The following HPX variants were observed in gnomAD, a reference collection of about 807,000 sequenced individuals.
HPX encodes beta-1B-glycoprotein.
HPX carries 42 observed loss-of-function variants against 53.8 expected under a neutral mutation model. The ratio of observed to expected loss-of-function variants is 0.78; its 90% confidence interval spans 0.61 to 1.01. The LOEUF is 1.01. Among genes scored for constraint, HPX ranks in the 50% least tolerant of loss-of-function variants. The pLI, the probability that HPX is intolerant of heterozygous loss-of-function variation, is 0.00. For synonymous variants in HPX, 229 were observed against 221.1 expected (o/e 1.04, Z -0.32); for missense variants, 547 against 594.3 (o/e 0.92, Z 0.83).
chr11:6,440,752 T>C (rs1849473989), intron 1 of HPX, 22 bp from the exon 2 acceptor site: 3 of 1,611,540 alleles, frequency 1.9e-6, no homozygotes, highest in Non-Finnish European at 1.7e-6. Flanking sequence ...AAAATAGATA[T>C]CTTGATCCAT....
chr11:6,432,973 C>G (rs946048771), intron 7 of HPX, among the ~76,000 whole-genome samples: 1 of 152,170 alleles, frequency 6.6e-6, no homozygotes, highest in African/African-American at 2.4e-5. Context: ...AAATCAGCTG[C>G]CTACCTGACA....
At position 6,437,553 on chromosome 11, in the gene HPX, C is replaced by T. The variant is rs199600490; in HGVS notation, c.590G>A (p.Arg197His). 1.7e-5 allele frequency: 28 copies of T among 1,614,068 alleles called. No individual in the cohort carries two copies. Among genetic ancestry groups the T allele is most frequent in the Middle Eastern group, 1.6e-4 (1 of 6,084 alleles). The change falls in exon 6 of 10, where the codon CGC (arginine) becomes CAC (histidine). Residue 197 changes from arginine (R) to histidine (H), a missense_variant. Coordinates refer to ENST00000265983, the MANE Select transcript of HPX (RefSeq NM_000613.3). ...NCSSALRWLG[R>H]YYCFQGNQFL... ...TTGGTTACCCTGGAAGCAGTAGTAG[C>T]GGCCCAGCCATCTCAGGGCAGAGGA...
At position 6,440,258 on chromosome 11, in the gene HPX, C is replaced by A; in HGVS notation, c.243G>T (p.Trp81Cys). ...KGEFVWKSHK[W>C]DRELISERWK... ...ATCTCTCTGAGATTAACTCCCGGTC[C>A]CATTTGTGACTCTTCCACACAAACT... Residue 81 changes from tryptophan to cysteine, a missense_variant, in exon 4 of 10, where the codon TGG (tryptophan) becomes TGT (cysteine). Coordinates refer to ENST00000265983, the MANE Select transcript of HPX (RefSeq NM_000613.3). 1.2e-6 allele frequency: 2 copies of A among 1,613,982 alleles called. No homozygotes were observed. Among genetic ancestry groups the A allele is most frequent in the Non-Finnish European group, 1.7e-6 (2 of 1,180,010 alleles).
intron 7 of HPX, among the ~76,000 whole-genome samples, chr11:6,435,876 G>A (rs1299262469): frequency 2.6e-5 from 4 of 152,218 alleles, no homozygotes; most frequent in African/African-American, 7.2e-5. Context: ...ACATGGCCTT[G>A]AAGTTCTGTG....
At chr11:6,439,844 C>A in intron 4 of HPX, 1 of 378,600 alleles carries the variant, frequency 2.6e-6, no homozygotes, top group Non-Finnish European at 5.1e-6. Flanking sequence ...TTGCCTTGCC[C>A]TATGAAGAGG....
intron 7 of HPX, among the ~76,000 whole-genome samples, chr11:6,436,583 T>A (rs1346896793): frequency 6.6e-6 from 1 of 152,220 alleles, no homozygotes; most frequent in Admixed American, 6.5e-5. Context: ...GGCAGTGCTA[T>A]GCCCAGGGGT....
At position 6,440,261 on chromosome 11, in the gene HPX, T is replaced by C; in HGVS notation, c.240A>G (p.Lys80=). ...FKGEFVWKSH[K]WDRELISERW... Reference sequence around the variant, plus strand: ...TCTCTGAGATTAACTCCCGGTCCCATTTGTGACTCTTCCACACAAACTCCC... The same window carrying C: ...TCTCTGAGATTAACTCCCGGTCCCACTTGTGACTCTTCCACACAAACTCCC... Residue 80 remains lysine, a synonymous_variant, in exon 4 of 10, where the codon AAA becomes AAG. Coordinates refer to ENST00000265983, the MANE Select transcript of HPX (RefSeq NM_000613.3). 1 of 1,613,944 alleles carries C rather than the reference T, an allele frequency of 6.2e-7. No homozygotes were observed. The highest frequency in any genetic ancestry group is 8.5e-7 in the Non-Finnish European group (1 of 1,179,996).
chr11:6,437,572 C>A lies in HPX; in HGVS notation c.571G>T (p.Ala191Ser). Residue 191 changes from alanine to serine, a missense_variant, in exon 6 of 10, where the codon GCC becomes TCC. Coordinates refer to ENST00000265983, the MANE Select transcript of HPX (RefSeq NM_000613.3). ...SWPAVGNCSS[A>S]LRWLGRYYCF... ...TAGTAGCGGCCCAGCCATCTCAGGG[C>A]AGAGGAGCAGTTCCCAACAGCTGGC... The A allele has an allele frequency of 6.2e-7, 1 of 1,614,224 alleles. No homozygotes were observed. Among genetic ancestry groups the A allele is most frequent in the South Asian group, 1.1e-5 (1 of 91,086 alleles).
rs371821984 is a variant in HPX at position 6,440,240 on chromosome 11, T to C, written c.261A>G (p.Ser87=). 163 of 1,613,590 alleles carry C rather than the reference T, an allele frequency of 1.0e-4. No homozygotes were observed. The highest frequency in any genetic ancestry group is 1.3e-4 in the Non-Finnish European group (158 of 1,179,696). The part of the protein sequence containing the change: ...KSHKWDRELI[S]ERWKNFPSPV... ...GGCTGGGGAAATTCTTCCATCTCTCTGAGATTAACTCCCGGTCCCATTTGT... is the reference window on the plus strand; with the variant it reads ...GGCTGGGGAAATTCTTCCATCTCTCCGAGATTAACTCCCGGTCCCATTTGT... Residue 87 remains serine, a synonymous_variant, in exon 4 of 10, where the codon TCA becomes TCG. Coordinates refer to ENST00000265983, the MANE Select transcript of HPX (RefSeq NM_000613.3).
intron 4 of HPX, 119 bp downstream of exon 4, chr11:6,440,046 A>C (rs766798042): frequency 4.1e-5 from 55 of 1,327,892 alleles, no homozygotes; most frequent in Non-Finnish European, 5.7e-5. Flanking sequence ...AGGAGGGCAC[A>C]TGGGAAAGAA....
At chr11:6,438,288 A>G in intron 5 of HPX, 68 bp downstream of exon 5, 1 of 1,490,190 alleles carries the variant, frequency 6.7e-7, no homozygotes, top group Non-Finnish European at 9.3e-7. Flanking sequence ...TACCACTATC[A>G]CCATCACTAC....
chr11:6,438,016 G>A, intron 5 of HPX: 3 of 488,438 alleles, frequency 6.1e-6, no homozygotes, highest in East Asian at 3.5e-5. Flanking sequence ...GGAGCTTAGT[G>A]TTAAGGTAAA....
chr11:6,438,092 A>C (rs1849439402), intron 5 of HPX: 2 of 537,856 alleles, frequency 3.7e-6, no homozygotes, highest in Non-Finnish European at 6.6e-6. Flanking sequence ...TGTATGTAAG[A>C]CTAAAGAGGG....
intron 1 of HPX, 69 bp downstream of exon 1, chr11:6,440,812 C>A: frequency 6.3e-7 from 1 of 1,596,008 alleles, no homozygotes; most frequent in Non-Finnish European, 8.6e-7. Context: ...TGACCGAGGC[C>A]TAAAAACTGG....
rs773824785 is a variant in HPX, at chr11:6,439,430, A to C, written c.336+735T>G. Among the ~76,000 whole-genome samples, 13 of 152,276 alleles carry C rather than the reference A, an allele frequency of 8.5e-5. No homozygotes were observed. The South Asian group carries it at 2.7e-3, about 32-fold the overall frequency. ...GCAAAGCTTAGTTTGGGGGATGCTG[A>C]ATTTTAGGTGCCTGTAGAACATACA... On this transcript the variant is annotated intron_variant, in intron 4 of 9. Transcript: ENST00000265983.
chr11:6,438,113 C>T (rs1252181397), intron 5 of HPX: 2 of 564,222 alleles, frequency 3.5e-6, no homozygotes, highest in African/African-American at 1.9e-5. Flanking sequence ...TAGATTTGTC[C>T]TAAGGGTCAT....
At position 6,431,743 on chromosome 11, in the gene HPX, T is replaced by TCGGATAAC. The variant is rs1383580758; in HGVS notation, c.1019_1026dup (p.Lys343ValfsTer46). 6.2e-7 allele frequency: 1 copy of TCGGATAAC among 1,614,186 alleles called. No homozygotes were observed. Among genetic ancestry groups the TCGGATAAC allele is most frequent in the East Asian group, 2.2e-5 (1 of 44,886 alleles). Reference sequence around the variant, plus strand: ...GTCCCGACTTCCTTCTCCAGCCGCTTCGGATAACCGCTTACTAGGGTATAG... The same window carrying TCGGATAAC: ...GTCCCGACTTCCTTCTCCAGCCGCTTCGGATAACCGGATAACCGCTTACTAGGGTATAG... On this transcript the variant is annotated frameshift_variant, in exon 9 of 10. Transcript: ENST00000265983. LOFTEE classifies it high-confidence loss of function.
chr11:6,438,578 T>A, intron 4 of HPX, 69 bp from the exon 5 acceptor site: 2 of 1,402,242 alleles, frequency 1.4e-6, no homozygotes, highest in South Asian at 2.4e-5. Context: ...TTACACACAT[T>A]TTTTATCTAC....
At chr11:6,436,676 C>G (rs941142556) in intron 7 of HPX, among the ~76,000 whole-genome samples, 3 of 152,080 alleles carry the variant, frequency 2.0e-5, no homozygotes, top group African/African-American at 7.2e-5. Flanking sequence ...GAAAGATATG[C>G]AAGAACAAAG....
Sources: allele counts gnomAD v4.1 joint callset (sites outside exome capture counted in the v4.1 genomes callset), GRCh38; gene constraint gnomAD v4.1.1; transcripts MANE v1.5; gene names NCBI Gene and HGNC (gene_info 2026-07-23, HGNC 2026-07-21).